The following TJP3 variants were observed in gnomAD, a reference collection of about 807,000 sequenced individuals.
The protein encoded by TJP3 is tight junction protein ZO-3.
TJP3 carries 85 observed loss-of-function variants against 104.2 expected under a neutral mutation model. The observed-to-expected ratio is 0.82, with a 90% CI of 0.68 to 0.98. TJP3 has a LOEUF of 0.98. Ranked by LOEUF, TJP3 falls within the 50% of genes least tolerant of loss-of-function variation. The pLI is 0.00. For missense variants in TJP3, 1,367 were observed against 1,322.8 expected (o/e 1.03, Z -0.52); for synonymous variants, 550 against 550.6 (o/e 1.00, Z 0.02).
At chr19:3,710,777 C>G (rs1412208961) in intron 1 of TJP3, among the ~76,000 whole-genome samples, 1 of 151,934 alleles carries the variant, frequency 6.6e-6, no homozygotes, top group Non-Finnish European at 1.5e-5. Flanking sequence ...CAAGGCAGGC[C>G]AAGCTTCCTG....
At chr19:3,743,228 C>T (rs1402014666) in intron 14 of TJP3, among the ~76,000 whole-genome samples, 1 of 151,904 alleles carries the variant, frequency 6.6e-6, no homozygotes, top group East Asian at 1.9e-4. Flanking sequence ...TGCGCCACTG[C>T]ACTCCAGCCT....
Position 3,738,569 on chromosome 19 carries a change from A to G in TJP3, c.1299A>G (p.Pro433=). ...CTTTCTGGCAGGTGAATGACGTGCC[A>G]TTCCAGAACCTGACACGGGAGGAGG... ...GDQILQVNDV[P]FQNLTREEAV... is the part of the protein sequence containing the mutation. Residue 433 remains proline (P), a synonymous_variant, in exon 12 of 21, where the codon CCA becomes CCG. Coordinates refer to ENST00000541714, the MANE Select transcript of TJP3 (RefSeq NM_001267560.2). 1.2e-6 allele frequency: 2 copies of G among 1,613,572 alleles called. No individual in the cohort carries two copies. The highest frequency in any genetic ancestry group is 1.7e-6 in the Non-Finnish European group (2 of 1,179,738).
At chr19:3,711,488 C>T (rs1033347103) in intron 1 of TJP3, among the ~76,000 whole-genome samples, 3 of 151,374 alleles carry the variant, frequency 2.0e-5, no homozygotes, top group South Asian at 2.1e-4. Flanking sequence ...CGTGAGCCAC[C>T]GCGTCCGGCC....
At chr19:3,747,687 G>A (rs2036917920) in intron 18 of TJP3, 107 bp from the exon 19 acceptor site, 2 of 1,357,934 alleles carry the variant, frequency 1.5e-6, no homozygotes, top group Admixed American at 2.8e-5. Context: ...CCAGGCTCCA[G>A]GCTCCTCGCC....
chr19:3,746,983 AGG>A lies in TJP3; in HGVS notation c.2322+108_2322+109del. 1 of 1,101,776 alleles carries A rather than the reference AGG, an allele frequency of 9.1e-7. No individual in the cohort carries two copies. The highest frequency in any genetic ancestry group is 2.9e-4 in the Middle Eastern group (1 of 3,422). The allele number at this position is 1,101,776 out of a possible 1,614,324, so 68.2% of individuals were successfully genotyped here. ...GGGAGTTAGGGCTTGGTCAGGGATC[AGG>A]ACTGTGGCCAGAGTCAAGATGGGAC... On this transcript the variant is annotated intron_variant, in intron 18 of 20. Transcript: ENST00000541714. The surrounding 1 kb of genome is among the most constrained non-coding windows in gnomAD (Gnocchi z 4.1).
chr19:3,721,089 CAG>C (rs1477942132), intron 1 of TJP3, among the ~76,000 whole-genome samples: 3 of 151,910 alleles, frequency 2.0e-5, no homozygotes, highest in Non-Finnish European at 4.4e-5. Flanking sequence ...TTAGTAGAGA[CAG>C]ACGTTTCACC....
intron 1 of TJP3, among the ~76,000 whole-genome samples, chr19:3,725,956 C>G (rs570691240): frequency 1.3e-5 from 2 of 152,360 alleles, no homozygotes; most frequent in South Asian, 2.1e-4. Context: ...AACTGCAGAG[C>G]CCTGCCCTCT....
Position 3,730,615 on chromosome 19 carries a change from G to A in TJP3, c.522G>A (p.Leu174=). The change falls in exon 5 of 21, where the codon CTG becomes CTA. Residue 174 remains leucine (L), a synonymous_variant. Coordinates refer to ENST00000541714, the MANE Select transcript of TJP3 (RefSeq NM_001267560.2). This position sits in a 1 kb window ranked among gnomAD's most constrained non-coding sequence, Gnocchi z 7.3. ...SPGGGSEANG[L]ALVSGFKRLP... ...GTGGTGGCTCTGAGGCCAACGGGCT[G>A]GCCCTGGTGTCCGGCTTTAAGCGGC... 1 of 1,611,876 alleles carries A rather than the reference G, an allele frequency of 6.2e-7. No homozygotes were observed. Among genetic ancestry groups the A allele is most frequent in the South Asian group, 1.1e-5 (1 of 91,080 alleles).
At chr19:3,737,359 G>A (rs2036751104) in intron 11 of TJP3, among the ~76,000 whole-genome samples, 1 of 152,008 alleles carries the variant, frequency 6.6e-6, no homozygotes, top group Non-Finnish European at 1.5e-5. Flanking sequence ...TGTTGACCGT[G>A]TCATGACCGT....
At position 3,740,565 on chromosome 19, in the gene TJP3, G is replaced by T; in HGVS notation, c.1645G>T (p.Ala549Ser). The change falls in exon 14 of 21, where the codon GCC (alanine) becomes TCC (serine). Residue 549 changes from alanine to serine, a missense_variant. Ala to Ser is a moderately conservative substitution (Grantham distance 99). Coordinates refer to ENST00000541714, the MANE Select transcript of TJP3 (RefSeq NM_001267560.2). ...IPNQSRAEQL[A>S]SLEAAQRAVG... ...TCTTCTCCCCAGGGCGGAGCAGCTGGCCAGCCTGGAAGCTGCCCAGAGGGC... is the reference window on the plus strand; with the variant it reads ...TCTTCTCCCCAGGGCGGAGCAGCTGTCCAGCCTGGAAGCTGCCCAGAGGGC... 6.7e-7 allele frequency: 1 copy of T among 1,486,420 alleles called. No homozygotes were observed. Among genetic ancestry groups the T allele is most frequent in the South Asian group, 1.4e-5 (1 of 72,982 alleles). 92.1% of individuals were successfully genotyped at this position (1,486,420 alleles called of 1,614,324 possible).
Position 3,718,229 on chromosome 19 carries a change from GTGTGTGTGTGTGTGTGTGTGTGTGTGTC to G in TJP3, c.-10+9680_-10+9707del, listed in dbSNP as rs1441428908. Among the ~76,000 whole-genome samples, 219 of 114,224 alleles carry G rather than the reference GTGTGTGTGTGTGTGTGTGTGTGTGTGTC, an allele frequency of 1.9e-3. 2 individuals carry two copies. The highest frequency in any genetic ancestry group is 5.5e-3 in the Admixed American group (58 of 10,622). The allele number at this position is 114,224 out of a possible 152,430, so 74.9% of individuals were successfully genotyped here. On this transcript the variant is annotated intron_variant, in intron 1 of 20. Transcript: ENST00000541714. ...AAAAAAAAAGTGTGTGTGTGTGTGTGTGTGTGTGTGTGTGTGTGTGTGTGTGTCTGTGTGTGTGTAGAGATGGAAGTCT... is the reference window on the plus strand; with the variant it reads ...AAAAAAAAAGTGTGTGTGTGTGTGTGTGTGTGTGTGTAGAGATGGAAGTCT...
At chr19:3,740,876 C>T in intron 14 of TJP3, 113 bp downstream of exon 14, 5 of 1,061,426 alleles carry the variant, frequency 4.7e-6, no homozygotes, top group Non-Finnish European at 6.2e-6. Context: ...CGTGGTGGCT[C>T]ACGCCTATAA....
At chr19:3,740,213 G>A (rs1162321637) in intron 13 of TJP3, among the ~76,000 whole-genome samples, 9 of 151,450 alleles carry the variant, frequency 5.9e-5, no homozygotes, top group East Asian at 1.9e-4. Context: ...ACCTGGCGAC[G>A]GAGCGAGACT....
In TJP3 at chr19:3,746,528, G is replaced by T. The variant is rs199953340; in HGVS notation, c.2054G>T (p.Arg685Leu). Reference protein sequence around the residue: ...LLDVTPSAIERLNYVQYYPIV... With the variant: ...LLDVTPSAIELLNYVQYYPIV... ...GATGTGACCCCCTCCGCCATCGAGC[G>T]CCTCAACTATGTGCAGTACTACCCC... The change falls in exon 17 of 21, where the codon CGC becomes CTC. Residue 685 changes from arginine to leucine, a missense_variant. Transcript: ENST00000541714. The surrounding 1 kb of genome is among the most constrained non-coding windows in gnomAD (Gnocchi z 4.1). 3 of 1,613,980 alleles carry T rather than the reference G, an allele frequency of 1.9e-6. No individual in the cohort carries two copies. Among genetic ancestry groups the T allele is most frequent in the Admixed American group, 3.3e-5 (2 of 60,014 alleles).
At chr19:3,732,927 G>A (rs1050555517) in intron 6 of TJP3, among the ~76,000 whole-genome samples, 3 of 152,148 alleles carry the variant, frequency 2.0e-5, no homozygotes, top group Non-Finnish European at 4.4e-5. Context: ...TTACAGGCAT[G>A]AGCCACCACA....
intron 1 of TJP3, among the ~76,000 whole-genome samples, chr19:3,715,645 G>A (rs2036470579): frequency 6.6e-6 from 1 of 152,178 alleles, no homozygotes; most frequent in African/African-American, 2.4e-5. Context: ...TCTCTGCGTT[G>A]CCCATTGACA....
chr19:3,741,353 C>T (rs1282703659), intron 14 of TJP3, among the ~76,000 whole-genome samples: 1 of 152,134 alleles, frequency 6.6e-6, no homozygotes, highest in Non-Finnish European at 1.5e-5. Context: ...ACCTATAGTC[C>T]CCGCTGCTTG....
intron 15 of TJP3, among the ~76,000 whole-genome samples, chr19:3,745,285 A>G (rs1306586381): frequency 6.6e-6 from 1 of 151,546 alleles, no homozygotes; most frequent in Non-Finnish European, 1.5e-5. Flanking sequence ...AGCTGGGATT[A>G]CAGGCACGCG....
chr19:3,735,827 G>A (rs1424948472), intron 9 of TJP3, 42 bp from the exon 10 acceptor site: 3 of 1,611,074 alleles, frequency 1.9e-6, no homozygotes, highest in East Asian at 2.2e-5. Context: ...AGGCTGGACT[G>A]AGCCAGTGTG....
Sources: allele counts gnomAD v4.1 joint callset (sites outside exome capture counted in the v4.1 genomes callset), GRCh38; gene constraint gnomAD v4.1.1; non-coding constraint Gnocchi (gnomAD v3.1); transcripts MANE v1.5; gene names NCBI Gene and HGNC (gene_info 2026-07-23, HGNC 2026-07-21).